The following MACROD2 variants were observed in gnomAD, a reference collection of about 807,000 sequenced individuals.
MACROD2 encodes the protein ADP-ribose glycohydrolase MACROD2.
In MACROD2, 36 loss-of-function variants were observed where a neutral mutation model predicts 70.4. That is an observed-to-expected ratio of 0.51 (90% CI 0.39 to 0.68). The LOEUF is 0.68. MACROD2 is among the 30% of genes least tolerant of loss of function. The pLI is 0.00. For missense variants in MACROD2, 496 were observed against 538.4 expected, an observed-to-expected ratio of 0.92 and a Z score of 0.78; for synonymous variants, 172 against 178.8, an observed-to-expected ratio of 0.96 and a Z score of 0.30.
intron 8 of MACROD2, among the ~76,000 whole-genome samples, chr20:15,665,926 T>G (rs1035451756): frequency 1.3e-5 from 2 of 152,158 alleles, no homozygotes. Context: ...ACGTCCCAGA[T>G]CTTCATCTTT....
chr20:15,517,041 C>A (rs542954989), intron 8 of MACROD2, among the ~76,000 whole-genome samples: 1 of 151,740 alleles, frequency 6.6e-6, no homozygotes, highest in African/African-American at 2.4e-5. Flanking sequence ...AATGGTATCT[C>A]AAAAAAAACT....
intron 8 of MACROD2, among the ~76,000 whole-genome samples, chr20:15,655,741 C>G (rs1395931689): frequency 2.0e-5 from 3 of 152,198 alleles, no homozygotes; most frequent in African/African-American, 4.8e-5. Flanking sequence ...AATCCTCCCT[C>G]CCTGCCACCT....
rs571026219 is a variant in MACROD2, at chr20:15,076,470, A to G, written c.419-153470A>G. Among the ~76,000 whole-genome samples the G allele has an allele frequency of 8.5e-4, 129 of 152,254 alleles. 1 individual carries two copies. The highest frequency in any genetic ancestry group is 1.5e-3 in the Non-Finnish European group (104 of 67,984). ...TACATATTGTCAAATTAAGCTTGTCACATTTTATACTTATAATTGAGTGAT... is the reference window on the plus strand; with the variant it reads ...TACATATTGTCAAATTAAGCTTGTCGCATTTTATACTTATAATTGAGTGAT... On this transcript the variant is annotated intron_variant, in intron 5 of 17. Transcript: ENST00000684519.
chr20:15,461,002 A>ATTTTTTTT (rs199589127), intron 7 of MACROD2, among the ~76,000 whole-genome samples: 1 of 50,268 alleles, frequency 2.0e-5, no homozygotes, highest in African/African-American at 7.2e-5. Flanking sequence ...ATATATATAT[A>ATTTTTTTT]TATATTTTTT....
At chr20:15,275,057 G>A (rs1031489130) in intron 6 of MACROD2, among the ~76,000 whole-genome samples, 1 of 152,114 alleles carries the variant, frequency 6.6e-6, no homozygotes, top group African/African-American at 2.4e-5. Context: ...GACTGGGGGT[G>A]GGGGAGGTGC....
intron 4 of MACROD2, among the ~76,000 whole-genome samples, chr20:14,655,410 T>A (rs1056455630): frequency 3.3e-5 from 5 of 151,990 alleles, no homozygotes; most frequent in African/African-American, 1.2e-4. Flanking sequence ...TCTGTGGTTG[T>A]TCATTTGTTA....
intron 3 of MACROD2, among the ~76,000 whole-genome samples, chr20:14,425,107 G>A (rs2083919066): frequency 6.6e-6 from 1 of 152,182 alleles, no homozygotes. Context: ...CGTAACAGCA[G>A]TATTTCAACG....
chr20:14,164,630 TGG>T (rs1459698654), intron 3 of MACROD2, among the ~76,000 whole-genome samples: 1 of 151,510 alleles, frequency 6.6e-6, no homozygotes, highest in Non-Finnish European at 1.5e-5. Flanking sequence ...GGAGAGTGTG[TGG>T]GTGGGTGCCA....
At chr20:14,489,440 A>G (rs1237587173) in intron 3 of MACROD2, among the ~76,000 whole-genome samples, 1 of 152,200 alleles carries the variant, frequency 6.6e-6, no homozygotes, top group East Asian at 1.9e-4. Flanking sequence ...AAGAGCTTCA[A>G]ACTCTAGGGA....
At chr20:14,674,382 CATG>C (rs1298908749) in intron 4 of MACROD2, among the ~76,000 whole-genome samples, 1 of 152,090 alleles carries the variant, frequency 6.6e-6, no homozygotes, top group African/African-American at 2.4e-5. Flanking sequence ...AAATTTTTAT[CATG>C]ATTTTATCAT....
At chr20:16,008,043 A>G (rs567506735) in intron 15 of MACROD2, among the ~76,000 whole-genome samples, 4 of 152,236 alleles carry the variant, frequency 2.6e-5, no homozygotes, top group South Asian at 4.1e-4. Flanking sequence ...GGAGCTCACT[A>G]TCTTTCGCAG....
chr20:15,852,206 C>T (rs993790760), intron 8 of MACROD2, among the ~76,000 whole-genome samples: 3 of 152,154 alleles, frequency 2.0e-5, no homozygotes, highest in African/African-American at 7.2e-5. Flanking sequence ...GTGAATGAGC[C>T]TCCAGCTCAA....
chr20:14,425,310 G>A (rs1011517112), intron 3 of MACROD2, among the ~76,000 whole-genome samples: 17 of 151,864 alleles, frequency 1.1e-4, no homozygotes, highest in African/African-American at 2.9e-4. Context: ...TCCTCTCTCC[G>A]CATTACCCCA....
intron 5 of MACROD2, among the ~76,000 whole-genome samples, chr20:14,759,136 T>C (rs1243378430): frequency 6.6e-6 from 1 of 152,166 alleles, no homozygotes; most frequent in Non-Finnish European, 1.5e-5. Context: ...TCTGGCTCAT[T>C]GTAATTTTCA....
chr20:14,089,586 G>A (rs1314830462), intron 3 of MACROD2, among the ~76,000 whole-genome samples: 3 of 152,164 alleles, frequency 2.0e-5, no homozygotes, highest in Middle Eastern at 3.4e-3. Flanking sequence ...GTGACCCAGG[G>A]TGGACTTCTT....
intron 5 of MACROD2, among the ~76,000 whole-genome samples, chr20:14,740,662 T>C (rs1253342734): frequency 6.6e-6 from 1 of 152,224 alleles, no homozygotes; most frequent in Admixed American, 6.5e-5. Flanking sequence ...TATCTTTCAT[T>C]TGAGGCTTCT....
At chr20:15,314,937 T>C (rs2077792954) in intron 6 of MACROD2, among the ~76,000 whole-genome samples, 1 of 152,334 alleles carries the variant, frequency 6.6e-6, no homozygotes, top group African/African-American at 2.4e-5. Flanking sequence ...TGCTGATTGC[T>C]AGGCCAATGC....
At chr20:14,220,404 C>G (rs1353850357) in intron 3 of MACROD2, among the ~76,000 whole-genome samples, 2 of 152,166 alleles carry the variant, frequency 1.3e-5, no homozygotes, top group South Asian at 2.1e-4. Context: ...CCCTCCAGAG[C>G]ATTTCCAGGC....
intron 3 of MACROD2, among the ~76,000 whole-genome samples, chr20:14,257,309 C>A (rs968663505): frequency 3.3e-5 from 5 of 152,036 alleles, no homozygotes; most frequent in African/African-American, 1.2e-4. Flanking sequence ...GAGGAAAAAA[C>A]CATTAATTCT....
Sources: gnomAD v4.1 joint callset for allele counts (sites outside exome capture counted in the v4.1 genomes callset) on GRCh38, gnomAD v4.1.1 for gene constraint, MANE v1.5 for transcripts, NCBI Gene and HGNC (gene_info 2026-07-23, HGNC 2026-07-21) for gene names.